Variants in ZC4H2 observed in about 807,000 individuals in gnomAD.
ZC4H2 encodes zinc finger C4H2-type containing.
For synonymous variants in ZC4H2, 84 were observed against 66.3 expected (o/e 1.27, Z -1.30); for missense variants, 137 against 173.9 (o/e 0.79, Z 1.19).
At chrX:65,015,209 C>T (rs1284530871) in intron 1 of ZC4H2, among the ~76,000 whole-genome samples, 4 of 111,770 alleles carry the variant, frequency 3.6e-5, no homozygotes, top group Non-Finnish European at 7.5e-5. Flanking sequence ...CTCAGATTAC[C>T]TGGAACATTA....
At chrX:64,954,352 A>C (rs1480311634) in intron 1 of ZC4H2, among the ~76,000 whole-genome samples, 3 of 71,191 alleles carry the variant, frequency 4.2e-5, no homozygotes, top group African/African-American at 3.1e-4. Flanking sequence ...ATATATATAT[A>C]TAATTATATA....
At chrX:64,965,703 T>C (rs1000136503) in intron 1 of ZC4H2, among the ~76,000 whole-genome samples, 2 of 110,465 alleles carry the variant, frequency 1.8e-5, no homozygotes, top group Non-Finnish European at 3.8e-5. Flanking sequence ...TGGGAAGCCA[T>C]GGCGGGAGGA....
chrX:64,967,469 T>C (rs902761049), intron 1 of ZC4H2, among the ~76,000 whole-genome samples: 2 of 112,044 alleles, frequency 1.8e-5, no homozygotes, highest in Admixed American at 1.9e-4. Context: ...GGATGAATGA[T>C]AAGATCCCTT....
intron 1 of ZC4H2, among the ~76,000 whole-genome samples, chrX:64,961,223 G>A (rs763707563): frequency 2.7e-5 from 3 of 110,968 alleles, no homozygotes; most frequent in Admixed American, 9.6e-5. Context: ...TTTAAATGAC[G>A]GTTATCTGTA....
intron 1 of ZC4H2, among the ~76,000 whole-genome samples, chrX:65,017,646 C>T (rs759884769): frequency 3.6e-5 from 4 of 111,918 alleles, no homozygotes; most frequent in Non-Finnish European, 5.6e-5. Context: ...CCTTCAGCAG[C>T]TGCATGCTTG....
chrX:64,919,321 C>G, intron 3 of ZC4H2, 117 bp from the exon 4 acceptor site: 4 of 776,042 alleles, frequency 5.2e-6, no homozygotes, highest in Non-Finnish European at 7.5e-6. Context: ...TAGAAGGTCC[C>G]CACACCTTCC....
intron 1 of ZC4H2, among the ~76,000 whole-genome samples, chrX:64,938,225 T>C (rs1365324800): frequency 9.0e-6 from 1 of 111,155 alleles, no homozygotes; most frequent in Non-Finnish European, 1.9e-5. Flanking sequence ...CCCCCTCAAG[T>C]CTAAACCAGG....
At chrX:64,977,634 G>A (rs368812303), upstream of ZC4H2, among the ~76,000 whole-genome samples, 20 of 110,667 alleles carry the variant, frequency 1.8e-4, no homozygotes, top group East Asian at 4.3e-3. Flanking sequence ...GAGTAACTGG[G>A]ATTACAGGCG....
At position 64,919,187 on chromosome X, in the gene ZC4H2, T is replaced by C. The variant is rs1929070967; in HGVS notation, c.416A>G (p.Lys139Arg). 1 of 1,209,527 alleles carries C rather than the reference T, an allele frequency of 8.3e-7. No homozygotes were observed. The highest frequency in any genetic ancestry group is 1.8e-5 in the African/African-American group (1 of 57,090). Reference sequence around the variant, plus strand: ...CTGAGGTTCTGTCTGCCATTCTGCTTTCTGCTTCTCAAAGTAACTTTGGAG... The same window carrying C: ...CTGAGGTTCTGTCTGCCATTCTGCTCTCTGCTTCTCAAAGTAACTTTGGAG... Reference protein sequence around the residue: ...KLSLDYFEKQKAEWQTEPQEP... With the variant: ...KLSLDYFEKQRAEWQTEPQEP... The change falls in exon 4 of 5, where the codon AAA becomes AGA. Residue 139 changes from lysine (K) to arginine (R), a missense_variant. Lys to Arg is a conservative substitution (Grantham distance 26, BLOSUM62 2). Coordinates refer to ENST00000374839, the MANE Select transcript of ZC4H2 (RefSeq NM_018684.4).
chrX:64,982,237 G>A (rs925499597), intron 1 of ZC4H2, among the ~76,000 whole-genome samples: 3 of 111,657 alleles, frequency 2.7e-5, no homozygotes, highest in Non-Finnish European at 3.8e-5. Flanking sequence ...ATGACCTTCC[G>A]TTTCTAACAG....
At position 64,917,079 on chromosome X, in the gene ZC4H2, G is replaced by A. The variant is rs2147344803; in HGVS notation, c.*704C>T. On this transcript the variant is annotated 3_prime_UTR_variant, in exon 5 of 5. Coordinates refer to ENST00000374839, the MANE Select transcript of ZC4H2 (RefSeq NM_018684.4). ...TGGTCTGGCTCACTGATTTCACTGTGGAAATCTTCTACTAGAATTTGCAAA... is the reference window on the plus strand; with the variant it reads ...TGGTCTGGCTCACTGATTTCACTGTAGAAATCTTCTACTAGAATTTGCAAA... The A allele has an allele frequency of 9.0e-6, 1 of 111,731 alleles. No homozygotes were observed. The highest frequency in any genetic ancestry group is 2.8e-4 in the East Asian group (1 of 3,511). The allele number at this position is 111,731 out of a possible 1,213,427, so 9.2% of individuals were successfully genotyped here. A position where few individuals can be genotyped will look rare whatever the true frequency, so the allele number is the denominator to read the frequency against.
upstream of ZC4H2, chrX:64,976,534 G>T: frequency 1.9e-6 from 1 of 537,686 alleles, no homozygotes; most frequent in African/African-American, 2.3e-5. Context: ...GAGCTTCAGG[G>T]CCAGCCAGGA....
At chrX:65,027,467 T>C (rs766459262) in intron 1 of ZC4H2, among the ~76,000 whole-genome samples, 11 of 110,914 alleles carry the variant, frequency 9.9e-5, no homozygotes, top group Non-Finnish European at 1.1e-4. Flanking sequence ...TAAGGCAAAA[T>C]TGGTGGTGGT....
chrX:64,999,319 T>A (rs1932488010), intron 1 of ZC4H2, among the ~76,000 whole-genome samples: 1 of 111,441 alleles, frequency 9.0e-6, no homozygotes, highest in African/African-American at 3.3e-5. Context: ...GGGTATTGCC[T>A]CACCCAGGAA....
In ZC4H2 at chrX:64,917,323, T is replaced by C. The variant is rs1175162796; in HGVS notation, c.*460A>G. 1 of 114,672 alleles carries C rather than the reference T, an allele frequency of 8.7e-6. No homozygotes were observed. Among genetic ancestry groups the C allele is most frequent in the African/African-American group, 3.3e-5 (1 of 30,592 alleles). 9.5% of individuals were successfully genotyped at this position (114,672 alleles called of 1,213,427 possible). A position where few individuals can be genotyped will look rare whatever the true frequency, so the allele number is the denominator to read the frequency against. ...TAGGGGGATACATGCACCCAGCCTG[T>C]TGGAGAATCCAACATGAAGACTATT... On this transcript the variant is annotated 3_prime_UTR_variant, in exon 5 of 5. Transcript: ENST00000374839.
rs1929546931 is a variant in ZC4H2, at chrX:64,928,633, CT to C, written c.54-6646del. Among the ~76,000 whole-genome samples, 91 of 10,591 alleles carry C rather than the reference CT, an allele frequency of 8.6e-3. 1 individual carries two copies. The highest frequency in any genetic ancestry group is 0.035 in the African/African-American group (88 of 2,499). 9.2% of individuals were successfully genotyped at this position (10,591 alleles called of 115,157 possible). ...ATTCATGTCCTTTGCCTGCTTTCTC[CT>C]TCTTCTTCTTCTTCTTCTTCTTCTT... On this transcript the variant is annotated intron_variant, in intron 1 of 4. Coordinates refer to ENST00000374839, the MANE Select transcript of ZC4H2 (RefSeq NM_018684.4).
upstream of ZC4H2, among the ~76,000 whole-genome samples, chrX:64,977,970 G>A (rs981574578): frequency 4.5e-5 from 5 of 111,618 alleles, no homozygotes; most frequent in African/African-American, 1.6e-4. Context: ...GTTACTCAGC[G>A]TGCACAAACA....
chrX:64,972,485 T>G (rs1249546916), intron 1 of ZC4H2, among the ~76,000 whole-genome samples: 1 of 112,367 alleles, frequency 8.9e-6, no homozygotes, highest in Non-Finnish European at 1.9e-5. Context: ...GCTGCTATGC[T>G]TATACTTCAG....
intron 1 of ZC4H2, among the ~76,000 whole-genome samples, chrX:64,935,099 C>G (rs920277636): frequency 1.8e-5 from 2 of 111,912 alleles, no homozygotes; most frequent in African/African-American, 6.5e-5. Flanking sequence ...TCTGCCAGCA[C>G]AGCAGCAGTC....
Sources: gnomAD v4.1 joint callset for allele counts (sites outside exome capture counted in the v4.1 genomes callset) on GRCh38, gnomAD v4.1.1 for gene constraint, MANE v1.5 for transcripts, NCBI Gene and HGNC (gene_info 2026-07-23, HGNC 2026-07-21) for gene names.